Variants in OLFML2B observed in about 807,000 individuals in gnomAD.
OLFML2B encodes olfactomedin like 2B, also known as olfactomedin-like protein 2B.
OLFML2B carries 57 observed loss-of-function variants against 74.9 expected under a neutral mutation model. The ratio of observed to expected loss-of-function variants is 0.76; its 90% CI spans 0.61 to 0.95. The LOEUF (loss-of-function observed/expected upper bound fraction) is 0.95. Ranked by LOEUF, OLFML2B falls within the 40% of genes least tolerant of loss-of-function variation. The pLI is 0.00. For synonymous variants in OLFML2B, 388 were observed against 405.8 expected (o/e 0.96, Z 0.53); for missense variants, 986 against 970.6 (o/e 1.02, Z -0.21).
At chr1:162,017,560 C>A in intron 2 of OLFML2B, 53 bp from the exon 3 acceptor site, 2 of 1,358,470 alleles carry the variant, frequency 1.5e-6, no homozygotes, top group South Asian at 1.3e-5. Flanking sequence ...AGACACAGGG[C>A]AGAGTTTCCT....
chr1:162,000,438 C>T (rs1690053217), intron 4 of OLFML2B, 100 bp from the exon 5 acceptor site: 1 of 860,734 alleles, frequency 1.2e-6, no homozygotes, highest in Non-Finnish European at 1.8e-6. Flanking sequence ...CTAATAACAG[C>T]AGCACTTCCG....
rs756135553 is a variant in OLFML2B at position 162,020,036 on chromosome 1, G to A, written c.321C>T (p.Thr107=). The A allele has an allele frequency of 5.6e-6, 9 of 1,614,054 alleles. No homozygotes were observed. The East Asian group carries it at 2.0e-4, about 36-fold the overall frequency. Residue 107 remains threonine, a synonymous_variant, in exon 2 of 8, where the codon ACC becomes ACT. Coordinates refer to ENST00000294794, the MANE Select transcript of OLFML2B (RefSeq NM_015441.3). ...ACTTGCACGACGAGCCTGAGGTGAT[G>A]GTTTCCACGGTATAGAAGTCTTCCT... ...SRKEDFYTVE[T]ITSGSSCKCA...
intron 3 of OLFML2B, among the ~76,000 whole-genome samples, chr1:162,016,467 A>G (rs74125100): frequency 2.6e-5 from 4 of 152,348 alleles, no homozygotes; most frequent in African/African-American, 9.6e-5. Flanking sequence ...CCACTTTTTC[A>G]TAAGGAATAT....
At chr1:162,015,497 G>C (rs1267528655) in intron 3 of OLFML2B, among the ~76,000 whole-genome samples, 1 of 152,182 alleles carries the variant, frequency 6.6e-6, no homozygotes, top group Non-Finnish European at 1.5e-5. Flanking sequence ...TGGCTGCCAA[G>C]GTCAGGTAAA....
chr1:161,983,608 G>A lies in OLFML2B; in HGVS notation c.*67C>T. The A allele has an allele frequency of 1.3e-6, 2 of 1,517,284 alleles. No individual in the cohort carries two copies. Among genetic ancestry groups the A allele is most frequent in the South Asian group, 2.5e-5 (2 of 78,822 alleles). 94.0% of individuals were successfully genotyped at this position (1,517,284 alleles called of 1,614,324 possible). A position where few individuals can be genotyped will look rare whatever the true frequency, so the allele number is the denominator to read the frequency against. ...AACACATACCCACCTACACACACGT[G>A]CGCGCACACACATACACACAAGGTG... On this transcript the variant is annotated 3_prime_UTR_variant, in exon 8 of 8. Transcript: ENST00000294794.
chr1:162,014,254 T>C (rs1690471576), intron 3 of OLFML2B, among the ~76,000 whole-genome samples: 1 of 152,170 alleles, frequency 6.6e-6, no homozygotes, highest in African/African-American at 2.4e-5. Flanking sequence ...AAACAAAAGC[T>C]TACCCAAAAT....
In OLFML2B at chr1:161,984,158, C is replaced by G. The variant is rs1689519120; in HGVS notation, c.1770G>C (p.Leu590=). 6.2e-7 allele frequency: 1 copy of G among 1,609,270 alleles called. No homozygotes were observed. Among genetic ancestry groups the G allele is most frequent in the African/African-American group, 1.3e-5 (1 of 74,938 alleles). The change falls in exon 8 of 8, where the codon CTG becomes CTC. Residue 590 remains leucine, a synonymous_variant. Transcript: ENST00000294794. ...AFTRNIIKYD[L]KQRYVAAWAM... ...CCCAGGCAGCCACGTAGCGCTGCTT[C>G]AGGTCGTACTTGATGATGTTGCGGG...
rs117279844 is a variant in OLFML2B, at chr1:161,988,886, T to C, written c.1475-3906A>G. 9.1e-3 allele frequency among the ~76,000 whole-genome samples: 1,387 copies of C among 152,282 alleles called. 68 individuals carry two copies. The highest frequency in any genetic ancestry group is 0.079 in the Admixed American group (1,204 of 15,284). The stretch of plus-strand genomic sequence containing the variant: ...AGGACTGAAAATGGAAATCATTTGC[T>C]TCAGTTCACAGCCTGCTCCTCCTGT... On this transcript the variant is annotated intron_variant, in intron 6 of 7. Transcript: ENST00000294794.
intron 3 of OLFML2B, among the ~76,000 whole-genome samples, chr1:162,012,039 GT>G (rs1328188837): frequency 6.6e-6 from 1 of 152,182 alleles, no homozygotes; most frequent in Non-Finnish European, 1.5e-5. Context: ...GAATTAAATA[GT>G]GTTAGGCTGA....
chr1:162,017,307 A>G lies in OLFML2B; in HGVS notation c.546+93T>C, dbSNP rs565298072. ...AGAATAGGATGGGTTAAGTCTAGTCAGCACATGTGCTAGCTGAAAATTTAC... is the reference window on the plus strand; with the variant it reads ...AGAATAGGATGGGTTAAGTCTAGTCGGCACATGTGCTAGCTGAAAATTTAC... On this transcript the variant is annotated intron_variant, in intron 3 of 7. Transcript: ENST00000294794. 4.2e-5 allele frequency: 37 copies of G among 881,408 alleles called. 2 individuals are homozygous for G. In the South Asian group the frequency reaches 4.7e-4, roughly 11 times the overall value. The allele number at this position is 881,408 out of a possible 1,614,324, so 54.6% of individuals were successfully genotyped here. A position where few individuals can be genotyped will look rare whatever the true frequency, so the allele number is the denominator to read the frequency against.
intron 4 of OLFML2B, among the ~76,000 whole-genome samples, chr1:162,001,699 TC>T (rs2101962936): frequency 6.6e-6 from 1 of 152,344 alleles, no homozygotes; most frequent in South Asian, 2.1e-4. Context: ...TAGCCTGCTT[TC>T]CACAGGCACT....
chr1:161,996,626 T>C (rs1689909798), intron 6 of OLFML2B, among the ~76,000 whole-genome samples: 2 of 152,260 alleles, frequency 1.3e-5, no homozygotes. Flanking sequence ...TTTTCAGTCA[T>C]GATCAGTGGT....
At position 161,998,346 on chromosome 1, in the gene OLFML2B, T is replaced by A. The variant is rs1484354357; in HGVS notation, c.953A>T (p.Asp318Val). 2 of 1,546,410 alleles carry A rather than the reference T, an allele frequency of 1.3e-6. No homozygotes were observed. The highest frequency in any genetic ancestry group is 3.8e-5 in the Admixed American group (2 of 52,550). ...EEENDIEEQQ[D>V]EFFSGDNGVD... ...TCCATTGTCACCGCTGAAAAACTCA[T>A]CTTCTGTGAAACAAACACAAGGTTC... The change falls in exon 6 of 8, where the codon GAT becomes GTT. Residue 318 changes from aspartate to valine, a missense_variant. By Grantham distance (152) the Asp-to-Val change is radical. Coordinates refer to ENST00000294794, the MANE Select transcript of OLFML2B (RefSeq NM_015441.3).
intron 3 of OLFML2B, among the ~76,000 whole-genome samples, chr1:162,007,391 T>C (rs1690264284): frequency 6.6e-6 from 1 of 152,214 alleles, no homozygotes; most frequent in South Asian, 2.1e-4. Context: ...GAATGGGATT[T>C]AAATCAAGGA....
intron 2 of OLFML2B, 145 bp downstream of exon 2, chr1:162,019,774 C>G: frequency 9.6e-7 from 1 of 1,044,186 alleles, no homozygotes. Context: ...TTTGCTAGGA[C>G]ATCAACCTTG....
At chr1:162,022,244 CTTTTTTTTTTT>C (rs56395023) in intron 1 of OLFML2B, among the ~76,000 whole-genome samples, 5 of 70,774 alleles carry the variant, frequency 7.1e-5, no homozygotes, top group East Asian at 7.3e-4. Context: ...TGTATCTCTT[CTTTTTTTTTTT>C]TTTTTTTTTT....
At chr1:161,984,533 A>C (rs1477271083) in intron 7 of OLFML2B, among the ~76,000 whole-genome samples, 1 of 152,156 alleles carries the variant, frequency 6.6e-6, no homozygotes, top group Non-Finnish European at 1.5e-5. Context: ...GTGGTTCATA[A>C]ATTGTCAAGG....
chr1:161,996,528 G>T (rs1256244066), intron 6 of OLFML2B, among the ~76,000 whole-genome samples: 4 of 152,238 alleles, frequency 2.6e-5, no homozygotes, highest in Non-Finnish European at 2.9e-5. Flanking sequence ...AGAAGGGAAA[G>T]ATATGTATAA....
intron 6 of OLFML2B, among the ~76,000 whole-genome samples, chr1:161,997,219 TTAGA>T (rs1198253537): frequency 6.6e-6 from 1 of 152,204 alleles, no homozygotes; most frequent in African/African-American, 2.4e-5. Context: ...TGACACCTCC[TTAGA>T]AAAGTTTCCC....
Sources: allele counts gnomAD v4.1 joint callset (sites outside exome capture counted in the v4.1 genomes callset), GRCh38; gene constraint gnomAD v4.1.1; transcripts MANE v1.5; gene names NCBI Gene and HGNC (gene_info 2026-07-23, HGNC 2026-07-21).